GSE1: variants seen among roughly 807,000 people sequenced by gnomAD.
GSE1 encodes the protein Gse1 coiled-coil protein, also known as genetic suppressor element 1.
Under a neutral mutation model 112.6 loss-of-function variants are expected in GSE1, and 32 were observed. The ratio of observed to expected loss-of-function variants is 0.28; its 90% confidence interval spans 0.21 to 0.38. The LOEUF is 0.38. Ranked by LOEUF, GSE1 falls within the 10% of genes least tolerant of loss-of-function variation. The probability of loss-of-function intolerance (pLI) is 1.00; values close to 1 mark genes in which losing one functional copy is unlikely to be tolerated. For synonymous variants in GSE1, 1,115 were observed against 735.6 expected, an observed-to-expected ratio of 1.52 and a Z score of -8.35; for missense variants, 2,348 against 1,699.2, an observed-to-expected ratio of 1.38 and a Z score of -6.71.
intron 1 of GSE1, among the ~76,000 whole-genome samples, chr16:85,334,146 C>T (rs66470643): frequency 0.16 from 24,929 of 152,146 alleles, 2,099 homozygotes; most frequent in Middle Eastern, 0.24. Context: ...CGGCCTTCCT[C>T]GTCCCACACA....
chr16:85,536,493 C>T (rs1036224473), intron 2 of GSE1, among the ~76,000 whole-genome samples: 3 of 152,222 alleles, frequency 2.0e-5, no homozygotes, highest in Non-Finnish European at 4.4e-5. Context: ...GTGTGGGCCG[C>T]GGGCAGGGCT....
intron 1 of GSE1, among the ~76,000 whole-genome samples, chr16:85,621,330 C>CT (rs2048729405): frequency 6.6e-6 from 1 of 152,184 alleles, no homozygotes; most frequent in Admixed American, 6.5e-5. Context: ...GGGGAACCCG[C>CT]TTAGATCGTC....
intron 2 of GSE1, among the ~76,000 whole-genome samples, chr16:85,424,686 G>A (rs79586467): frequency 0.013 from 1,909 of 152,322 alleles, 38 homozygotes; most frequent in African/African-American, 0.044. Context: ...GCCGTCCCTC[G>A]GAATCGCTAA....
Position 85,454,013 on chromosome 16 carries a change from G to A in GSE1, c.2464+96370G>A, listed in dbSNP as rs139464240. ...GAGACTTGGGGGCGATTCCACCCCC[G>A]CCCCCTGCCCCACGGGCATCCAGCT... On this transcript the variant is annotated intron_variant, in intron 2 of 2. Transcript: ENST00000637419. 8.7e-3 allele frequency among the ~76,000 whole-genome samples: 1,325 copies of A among 152,200 alleles called. 24 individuals carry two copies. The highest frequency in any genetic ancestry group is 0.03 in the African/African-American group (1,263 of 41,544).
chr16:85,258,495 C>T (rs1467477255), intron 1 of GSE1, among the ~76,000 whole-genome samples: 2 of 151,480 alleles, frequency 1.3e-5, no homozygotes, highest in Non-Finnish European at 2.9e-5. Flanking sequence ...CAAAGCTCAG[C>T]CCTCTTGCAT....
intron 2 of GSE1, among the ~76,000 whole-genome samples, chr16:85,530,191 C>T (rs970631047): frequency 5.8e-4 from 88 of 152,212 alleles, no homozygotes; most frequent in African/African-American, 1.8e-3. Flanking sequence ...CTCCCTGAAG[C>T]CTGTGGAACC....
At chr16:85,529,118 G>C (rs57981686) in intron 2 of GSE1, among the ~76,000 whole-genome samples, 1 of 152,186 alleles carries the variant, frequency 6.6e-6, no homozygotes, top group Non-Finnish European at 1.5e-5. Flanking sequence ...CAGTTGTCCA[G>C]GGGGGTCGGA....
chr16:85,640,441 C>G (rs1402338864), intron 2 of GSE1, among the ~76,000 whole-genome samples: 1 of 152,228 alleles, frequency 6.6e-6, no homozygotes, highest in Non-Finnish European at 1.5e-5. Context: ...CATCGAGGCC[C>G]GCGGGGCCCT....
rs368435782 is a variant in GSE1 at position 85,648,652 on chromosome 16, C to T, written c.327C>T (p.Ile109=). 17 of 1,600,168 alleles carry T rather than the reference C, an allele frequency of 1.1e-5. No homozygotes were observed. Among genetic ancestry groups the T allele is most frequent in the Admixed American group, 6.7e-5 (4 of 59,430 alleles). The part of the protein sequence containing the change: ...TPKRVPMGPI[I]VPPGGHSVPS... ...AGCGCGTGCCCATGGGCCCTATCATCGTCCCCCCTGGGGGCCACAGCGTGC... is the reference window on the plus strand; with the variant it reads ...AGCGCGTGCCCATGGGCCCTATCATTGTCCCCCCTGGGGGCCACAGCGTGC... Residue 109 remains isoleucine (I), a synonymous_variant, in exon 3 of 16, where the codon ATC becomes ATT. Coordinates refer to ENST00000253458, the MANE Select transcript of GSE1 (RefSeq NM_014615.5).
chr16:85,659,943 C>T (rs1345537627), intron 8 of GSE1, among the ~76,000 whole-genome samples: 2 of 152,214 alleles, frequency 1.3e-5, no homozygotes, highest in South Asian at 2.1e-4. Context: ...GGGGGGCAGT[C>T]TCGGCACAGG....
intron 2 of GSE1, among the ~76,000 whole-genome samples, chr16:85,361,189 C>T (rs1371630831): frequency 7.4e-6 from 1 of 134,944 alleles, no homozygotes; most frequent in Non-Finnish European, 1.5e-5. Flanking sequence ...TAGACAGGCA[C>T]AGACCCCCCA....
chr16:85,423,309 G>A (rs1029960543), intron 2 of GSE1, among the ~76,000 whole-genome samples: 1 of 152,234 alleles, frequency 6.6e-6, no homozygotes, highest in Non-Finnish European at 1.5e-5. Flanking sequence ...GGCTCCAGCC[G>A]GAGATGTCCA....
At chr16:85,173,651 A>C (rs187359565) in intron 1 of GSE1, among the ~76,000 whole-genome samples, 1 of 152,288 alleles carries the variant, frequency 6.6e-6, no homozygotes, top group Admixed American at 6.5e-5. Flanking sequence ...GTTTTGTGCA[A>C]AGTATCCAAA....
intron 2 of GSE1, among the ~76,000 whole-genome samples, chr16:85,511,822 T>TC (rs1457231214): frequency 6.6e-6 from 1 of 152,128 alleles, no homozygotes; most frequent in Non-Finnish European, 1.5e-5. Context: ...CCCTAGAGCC[T>TC]CCAGAGGGAG....
intron 2 of GSE1, among the ~76,000 whole-genome samples, chr16:85,467,677 C>A (rs966875925): frequency 6.6e-6 from 1 of 152,298 alleles, no homozygotes; most frequent in Non-Finnish European, 1.5e-5. Context: ...CCTTTCCTGA[C>A]CTAGCCAAAG....
chr16:85,277,082 G>A (rs1909441127), intron 1 of GSE1, among the ~76,000 whole-genome samples: 1 of 152,196 alleles, frequency 6.6e-6, no homozygotes, highest in South Asian at 2.1e-4. Context: ...GATTGAATCT[G>A]GGGAAGGAGC....
At chr16:85,587,829 C>T (rs931793334) in intron 1 of GSE1, among the ~76,000 whole-genome samples, 2 of 152,178 alleles carry the variant, frequency 1.3e-5, no homozygotes, top group Non-Finnish European at 2.9e-5. Flanking sequence ...CAAGCCTTCC[C>T]GGACCCTTGG....
At chr16:85,671,237 G>T (rs976535044) in intron 15 of GSE1, 139 bp downstream of exon 15, 6 of 530,810 alleles carry the variant, frequency 1.1e-5, no homozygotes, top group Admixed American at 3.6e-5. Context: ...TCAGGAGATC[G>T]AGACCATCCC....
Position 85,291,182 on chromosome 16 carries a change from G to C in GSE1, c.2284-66281G>C, listed in dbSNP as rs546586133. On this transcript the variant is annotated intron_variant, in intron 1 of 2. Transcript: ENST00000637419. The stretch of plus-strand genomic sequence containing the variant: ...TGTAGTGGGTATGTCCCTCACCCAG[G>C]GTCTCTCAGCAGAGCTGGACACCAG... Among the ~76,000 whole-genome samples, 18 of 152,220 alleles carry C rather than the reference G, an allele frequency of 1.2e-4. No homozygotes were observed. In the East Asian group the frequency reaches 2.9e-3, roughly 25 times the overall value.
Sources: gnomAD v4.1 joint callset for allele counts (sites outside exome capture counted in the v4.1 genomes callset) on GRCh38, gnomAD v4.1.1 for gene constraint, MANE v1.5 for transcripts, NCBI Gene and HGNC (gene_info 2026-07-23, HGNC 2026-07-21) for gene names.